The following LRRTM4 variants were observed in gnomAD, a reference collection of about 807,000 sequenced individuals.
The protein encoded by LRRTM4 is leucine rich repeat transmembrane neuronal 4, also known as leucine-rich repeat transmembrane neuronal protein 4.
A neutral mutation model predicts 47.6 loss-of-function variants in LRRTM4; 25 were observed. The observed-to-expected ratio is 0.53, with a 90% CI of 0.38 to 0.73. The LOEUF (loss-of-function observed/expected upper bound fraction) is 0.73, where lower values mean the gene tolerates loss of function less well. LRRTM4 is among the 30% of genes least tolerant of loss of function. The pLI, the probability that LRRTM4 is intolerant of heterozygous loss-of-function variation, is 0.00. For synonymous variants in LRRTM4, 311 were observed against 269.5 expected (o/e 1.15, Z -1.51); for missense variants, 638 against 713.4 (o/e 0.89, Z 1.20).
At chr2:77,197,134 G>A (rs1188473059) in intron 3 of LRRTM4, among the ~76,000 whole-genome samples, 2 of 152,094 alleles carry the variant, frequency 1.3e-5, no homozygotes, top group Non-Finnish European at 2.9e-5. Context: ...CATACAAATA[G>A]TAGGCATTCT....
intron 3 of LRRTM4, among the ~76,000 whole-genome samples, chr2:77,168,466 T>C (rs564132707): frequency 1.3e-5 from 2 of 152,128 alleles, no homozygotes; most frequent in Non-Finnish European, 1.5e-5. Flanking sequence ...GTGTAGGTGA[T>C]ATTTTGATAT....
Position 76,895,251 on chromosome 2 carries a change from G to A in LRRTM4, c.1552-146335C>T, listed in dbSNP as rs550060127. On this transcript the variant is annotated intron_variant, in intron 3 of 3. Coordinates refer to ENST00000409884, the MANE Select transcript of LRRTM4 (RefSeq NM_001134745.3). ...AAGACAATTTACCATGAATAAAAGT[G>A]CTTCATATTCAAATAAGCTTCATAA... Among the ~76,000 whole-genome samples, 9 of 152,038 alleles carry A rather than the reference G, an allele frequency of 5.9e-5. 2 individuals carry two copies. The Middle Eastern group carries it at 0.021, about 347-fold the overall frequency.
At chr2:76,762,510 C>G (rs1270872173) in intron 3 of LRRTM4, among the ~76,000 whole-genome samples, 1 of 152,170 alleles carries the variant, frequency 6.6e-6, no homozygotes, top group Non-Finnish European at 1.5e-5. Context: ...GTCGCTTTCT[C>G]TGCTGTGTAT....
At chr2:77,068,058 GAT>G (rs1680020049) in intron 3 of LRRTM4, among the ~76,000 whole-genome samples, 1 of 152,144 alleles carries the variant, frequency 6.6e-6, no homozygotes, top group East Asian at 1.9e-4. Context: ...CCAATCAAAT[GAT>G]ATAAATACTA....
chr2:77,345,643 C>A (rs1671533322), intron 3 of LRRTM4, among the ~76,000 whole-genome samples: 1 of 151,950 alleles, frequency 6.6e-6, no homozygotes, highest in African/African-American at 2.4e-5. Flanking sequence ...ACAACAATCA[C>A]CTCCTGACTT....
intron 3 of LRRTM4, among the ~76,000 whole-genome samples, chr2:77,069,862 C>T (rs897925267): frequency 6.6e-6 from 1 of 152,072 alleles, no homozygotes; most frequent in Non-Finnish European, 1.5e-5. Context: ...TATTCTTTGC[C>T]CAGCTTTTGG....
intron 3 of LRRTM4, among the ~76,000 whole-genome samples, chr2:76,773,900 T>C (rs1451032903): frequency 6.6e-6 from 1 of 151,884 alleles, no homozygotes; most frequent in East Asian, 1.9e-4. Flanking sequence ...GTATAACATA[T>C]TTCCAGAATT....
intron 3 of LRRTM4, among the ~76,000 whole-genome samples, chr2:77,048,438 T>C (rs1395984641): frequency 6.6e-6 from 1 of 152,068 alleles, no homozygotes; most frequent in East Asian, 1.9e-4. Context: ...TAAAGTCAAT[T>C]TGTGTTACAG....
At chr2:76,764,998 G>A (rs1266737600) in intron 3 of LRRTM4, among the ~76,000 whole-genome samples, 1 of 152,204 alleles carries the variant, frequency 6.6e-6, no homozygotes, top group African/African-American at 2.4e-5. Context: ...AGTCATGGAT[G>A]TGGAGTCACC....
chr2:77,430,068 C>CAA (rs911997273), intron 3 of LRRTM4, among the ~76,000 whole-genome samples: 1 of 137,788 alleles, frequency 7.3e-6, no homozygotes, highest in Non-Finnish European at 1.6e-5. Context: ...GGCTGTGTCT[C>CAA]AAAAAAAAAA....
rs187092506 is a variant in LRRTM4, at chr2:76,759,263, C to T, written c.1552-10347G>A. Among the ~76,000 whole-genome samples the T allele has an allele frequency of 4.7e-4, 72 of 152,228 alleles. 2 individuals are homozygous for T. The highest frequency in any genetic ancestry group is 1.6e-4 in the Non-Finnish European group (11 of 68,000). On this transcript the variant is annotated intron_variant, in intron 3 of 3. Transcript: ENST00000409884. ...AGTAAAGCCGAGGTAGAAAAGCACT[C>T]CCAGCTGGCAGGCACTGCAGATTTC...
intron 3 of LRRTM4, among the ~76,000 whole-genome samples, chr2:77,422,497 C>A (rs1453137694): frequency 1.3e-5 from 2 of 152,004 alleles, no homozygotes; most frequent in African/African-American, 4.8e-5. Flanking sequence ...AAGTAAATTG[C>A]AAAGAAGTAA....
chr2:77,038,285 G>A (rs916070393), intron 3 of LRRTM4, among the ~76,000 whole-genome samples: 3 of 151,456 alleles, frequency 2.0e-5, no homozygotes, highest in Non-Finnish European at 4.4e-5. Context: ...TTTGAAATTT[G>A]CCTAATAGAT....
chr2:76,915,182 C>A (rs187314403), intron 3 of LRRTM4, among the ~76,000 whole-genome samples: 1 of 152,254 alleles, frequency 6.6e-6, no homozygotes, highest in African/African-American at 2.4e-5. Context: ...AGATAAAATC[C>A]TCTTGATTGG....
chr2:77,464,191 T>C (rs1407921077), intron 3 of LRRTM4, among the ~76,000 whole-genome samples: 5 of 152,036 alleles, frequency 3.3e-5, no homozygotes, highest in Non-Finnish European at 7.4e-5. Context: ...CAGTTATAGT[T>C]ATCACAAGAG....
intron 3 of LRRTM4, among the ~76,000 whole-genome samples, chr2:76,771,563 T>A (rs1200354858): frequency 6.6e-6 from 1 of 151,850 alleles, no homozygotes; most frequent in Non-Finnish European, 1.5e-5. Flanking sequence ...CTGCCTTTGC[T>A]TCGGGCTTTG....
At chr2:77,261,686 G>C (rs1419370891) in intron 3 of LRRTM4, among the ~76,000 whole-genome samples, 2 of 152,066 alleles carry the variant, frequency 1.3e-5, no homozygotes, top group Non-Finnish European at 2.9e-5. Context: ...TCATGGTGGA[G>C]AGAGAGGGTT....
At chr2:77,140,605 A>G (rs1299596613) in intron 3 of LRRTM4, among the ~76,000 whole-genome samples, 12 of 152,318 alleles carry the variant, frequency 7.9e-5, no homozygotes, top group African/African-American at 2.2e-4. Context: ...CAATGGCAAC[A>G]AAAGCCAAAA....
chr2:77,264,965 A>G (rs762043169), intron 3 of LRRTM4, among the ~76,000 whole-genome samples: 1 of 152,148 alleles, frequency 6.6e-6, no homozygotes, highest in Non-Finnish European at 1.5e-5. Flanking sequence ...TTGTTTTCAA[A>G]GATGGTAAAA....
Sources: allele counts gnomAD v4.1 joint callset (sites outside exome capture counted in the v4.1 genomes callset), GRCh38; gene constraint gnomAD v4.1.1; transcripts MANE v1.5; gene names NCBI Gene and HGNC (gene_info 2026-07-23, HGNC 2026-07-21).